The following VTI1A variants were observed in gnomAD, a reference collection of about 807,000 sequenced individuals.
The protein encoded by VTI1A is vesicle transport through interaction with t-SNAREs homolog 1A.
A neutral mutation model predicts 34.9 loss-of-function variants in VTI1A; 22 were observed. That is an observed-to-expected ratio of 0.63 (90% CI 0.45 to 0.90). VTI1A has a LOEUF of 0.90. VTI1A is among the 40% of genes least tolerant of loss of function. The pLI is 0.00. For synonymous variants in VTI1A, 87 were observed against 97.3 expected (o/e 0.89, Z 0.62); for missense variants, 268 against 275.6 (o/e 0.97, Z 0.20).
intron 3 of VTI1A, among the ~76,000 whole-genome samples, chr10:112,517,405 G>T (rs1434113696): frequency 3.3e-5 from 5 of 151,974 alleles, no homozygotes; most frequent in Non-Finnish European, 5.9e-5. Flanking sequence ...AGATGATTGA[G>T]TAATGATTGA....
At chr10:112,606,288 G>T (rs1028643904) in intron 5 of VTI1A, among the ~76,000 whole-genome samples, 5 of 152,074 alleles carry the variant, frequency 3.3e-5, no homozygotes, top group African/African-American at 1.2e-4. Context: ...GCCTCCCAAA[G>T]TGCTGGGATT....
intron 1 of VTI1A, among the ~76,000 whole-genome samples, chr10:112,457,600 C>T (rs1847581477): frequency 6.6e-6 from 1 of 152,082 alleles, no homozygotes; most frequent in Non-Finnish European, 1.5e-5. Flanking sequence ...TGGAGATGGG[C>T]ATTGGGATTA....
chr10:112,827,487 T>C, the VTI1A span: 1 of 152,122 alleles, frequency 6.6e-6, no homozygotes, highest in African/African-American at 2.4e-5. Flanking sequence ...TCAAGTTCCA[T>C]TTTCCCCCAG....
chr10:112,828,315 C>T, the VTI1A span, among the ~76,000 whole-genome samples: 27 of 151,996 alleles, frequency 1.8e-4, no homozygotes, highest in Middle Eastern at 3.2e-3. Flanking sequence ...AGTCAGTTAG[C>T]GCACGGTATG....
chr10:112,631,565 G>A (rs557514617), intron 5 of VTI1A, among the ~76,000 whole-genome samples: 6 of 152,254 alleles, frequency 3.9e-5, no homozygotes, highest in African/African-American at 1.4e-4. Flanking sequence ...TGTTTTTGAG[G>A]TCCATTTACA....
At chr10:112,525,823 C>T (rs1019988990) in intron 3 of VTI1A, among the ~76,000 whole-genome samples, 3 of 152,076 alleles carry the variant, frequency 2.0e-5, no homozygotes, top group Admixed American at 6.5e-5. Flanking sequence ...AAATGTAATA[C>T]GTTTGATGTT....
At chr10:112,629,540 CT>C (rs1846055365) in intron 5 of VTI1A, among the ~76,000 whole-genome samples, 1 of 152,198 alleles carries the variant, frequency 6.6e-6, no homozygotes, top group African/African-American at 2.4e-5. Flanking sequence ...TAGGAAGGGG[CT>C]TCTTGTCTCC....
At chr10:112,514,383 TCTC>T (rs1849707166) in intron 3 of VTI1A, among the ~76,000 whole-genome samples, 1 of 151,852 alleles carries the variant, frequency 6.6e-6, no homozygotes, top group Admixed American at 6.6e-5. Context: ...CTGAGTAGTC[TCTC>T]CTTTTTTTCT....
chr10:112,688,625 C>T (rs1564884552), intron 7 of VTI1A, among the ~76,000 whole-genome samples: 3 of 150,834 alleles, frequency 2.0e-5, no homozygotes, highest in East Asian at 2.0e-4. Flanking sequence ...AGGTTCAAGC[C>T]GTTCTCCTGC....
chr10:112,454,662 T>C (rs1368357529), intron 1 of VTI1A, among the ~76,000 whole-genome samples: 1 of 150,864 alleles, frequency 6.6e-6, no homozygotes, highest in East Asian at 1.9e-4. Flanking sequence ...TCATACATAC[T>C]ATGCTAAGAC....
intron 5 of VTI1A, among the ~76,000 whole-genome samples, chr10:112,632,333 T>A (rs1031136787): frequency 6.6e-6 from 1 of 152,210 alleles, no homozygotes; most frequent in African/African-American, 2.4e-5. Flanking sequence ...GGCTTGAACG[T>A]ATGTGGAGTT....
At chr10:112,502,641 A>G (rs1849283482) in intron 3 of VTI1A, among the ~76,000 whole-genome samples, 1 of 152,198 alleles carries the variant, frequency 6.6e-6, no homozygotes, top group African/African-American at 2.4e-5. Flanking sequence ...TTTTATTTGC[A>G]TCTCTCTTCA....
chr10:112,736,180 A>T (rs1187653029), intron 7 of VTI1A, among the ~76,000 whole-genome samples: 2 of 144,816 alleles, frequency 1.4e-5, no homozygotes, highest in Non-Finnish European at 3.0e-5. Context: ...CTTCCTCCAG[A>T]TCTTCACTTG....
At position 112,815,338 on chromosome 10, in the gene VTI1A, C is replaced by G; in HGVS notation, c.609C>G (p.Val203=). 1 of 1,614,074 alleles carries G rather than the reference C, an allele frequency of 6.2e-7. No homozygotes were observed. Among genetic ancestry groups the G allele is most frequent in the Non-Finnish European group, 8.5e-7 (1 of 1,180,014 alleles). ...ILLVILGIIV[V]ITILMAITFS... Reference sequence around the variant, plus strand: ...TCGTCATCCTAGGGATCATCGTGGTCATCACCATCCTGATGGCGATCACTT... The same window carrying G: ...TCGTCATCCTAGGGATCATCGTGGTGATCACCATCCTGATGGCGATCACTT... Residue 203 remains valine (V), a synonymous_variant, in exon 8 of 8, where the codon GTC becomes GTG. Transcript: ENST00000393077.
the VTI1A span, among the ~76,000 whole-genome samples, chr10:112,838,286 G>A: frequency 1.1e-4 from 16 of 152,222 alleles, no homozygotes; most frequent in African/African-American, 3.1e-4. Context: ...TCCTCCTGGG[G>A]TCAGAGCCAG....
chr10:112,640,251 C>T (rs1479919963), intron 5 of VTI1A, among the ~76,000 whole-genome samples: 1 of 152,050 alleles, frequency 6.6e-6, no homozygotes, highest in Non-Finnish European at 1.5e-5. Flanking sequence ...TCTTTAATAG[C>T]AATATCTATC....
chr10:112,650,134 T>C (rs879738745), intron 5 of VTI1A, among the ~76,000 whole-genome samples: 2 of 152,276 alleles, frequency 1.3e-5, no homozygotes, highest in African/African-American at 4.8e-5. Flanking sequence ...TCTTTCGTAA[T>C]AACGCTTAGC....
chr10:112,842,048 TTCC>T, the VTI1A span, among the ~76,000 whole-genome samples: 847 of 135,812 alleles, frequency 6.2e-3, 16 homozygotes, highest in African/African-American at 0.024. Flanking sequence ...TTTTTTTTTT[TTCC>T]TTTTTTTTTT....
intron 7 of VTI1A, among the ~76,000 whole-genome samples, chr10:112,751,121 A>G (rs949490817): frequency 1.3e-5 from 2 of 152,328 alleles, no homozygotes; most frequent in African/African-American, 4.8e-5. Context: ...ATGAAGGTTC[A>G]TAGTCCTGTA....
Sources: allele counts gnomAD v4.1 joint callset (sites outside exome capture counted in the v4.1 genomes callset), GRCh38; gene constraint gnomAD v4.1.1; transcripts MANE v1.5; gene names NCBI Gene and HGNC (gene_info 2026-07-23, HGNC 2026-07-21).